The following COG3 variants were observed in gnomAD, a reference collection of about 807,000 sequenced individuals.
COG3 encodes the protein conserved oligomeric Golgi complex subunit 3.
A neutral mutation model predicts 114.1 loss-of-function variants in COG3; 32 were observed. The ratio of observed to expected loss-of-function variants is 0.28; its 90% CI spans 0.21 to 0.38. COG3 has a LOEUF of 0.38. COG3 is among the 10% of genes least tolerant of loss of function. The pLI is 1.00. For missense variants in COG3, 813 were observed against 973.2 expected (o/e 0.84, Z 2.19); for synonymous variants, 352 against 365.7 (o/e 0.96, Z 0.43).
At chr13:45,494,869 T>TG (rs1409815434) in intron 12 of COG3, among the ~76,000 whole-genome samples, 1 of 148,398 alleles carries the variant, frequency 6.7e-6, no homozygotes. Context: ...CTTTTCTTTT[T>TG]TTTTTTTTTG....
In COG3 at chr13:45,530,724, AAGG is replaced by A. The variant is rs751146037; in HGVS notation, c.2403_2405del (p.Glu803del). The A allele has an allele frequency of 3.0e-5, 48 of 1,613,220 alleles. No homozygotes were observed. Among genetic ancestry groups the A allele is most frequent in the Non-Finnish European group, 4.0e-5 (47 of 1,179,338 alleles). On this transcript the variant is annotated inframe_deletion, in exon 22 of 23. Transcript: ENST00000349995. ...CTTCCAGAAGTTCCACGCTCTGTTA[AAGG>A]AAGAGTTCAGCCCTGAAGACATCCA...
chr13:45,532,826 G>T (rs1458931050), intron 22 of COG3, among the ~76,000 whole-genome samples: 1 of 151,926 alleles, frequency 6.6e-6, no homozygotes, highest in Non-Finnish European at 1.5e-5. Context: ...CAAAGTGCTG[G>T]GATTACAGGC....
At position 45,465,306 on chromosome 13, in the gene COG3, A is replaced by G. The variant is rs949137368; in HGVS notation, c.174+96A>G. The stretch of plus-strand genomic sequence containing the variant: ...CCGGCCTCACTAGCCTCTGCCCAGG[A>G]TATCTCTCCACTCCTCCCTGGCCAT... On this transcript the variant is annotated intron_variant, in intron 1 of 22. Coordinates refer to ENST00000349995, the MANE Select transcript of COG3 (RefSeq NM_031431.4). 8.7e-5 allele frequency: 129 copies of G among 1,488,626 alleles called. No individual in the cohort carries two copies. In the African/African-American group the frequency reaches 1.7e-3, roughly 19 times the overall value. 92.2% of individuals were successfully genotyped at this position (1,488,626 alleles called of 1,614,324 possible).
chr13:45,512,054 T>C lies in COG3; in HGVS notation c.1809+200T>C, dbSNP rs533819025. 8.2e-6 allele frequency: 4 copies of C among 489,090 alleles called. No homozygotes were observed. In the Admixed American group the frequency reaches 1.4e-4, roughly 17 times the overall value. 30.3% of individuals were successfully genotyped at this position (489,090 alleles called of 1,614,324 possible). On this transcript the variant is annotated intron_variant, in intron 16 of 22. Transcript: ENST00000349995. ...TGTACTATATAAGAGAGTCCAACTT[T>C]GCTAAAGTACCAAAAGTGGTACTTA...
Position 45,530,741 on chromosome 13 carries a change from T to C in COG3, c.2418T>C (p.Pro806=). ...FHALLKEEFS[P]EDIQIIACPS... ...CTCTGTTAAAGGAAGAGTTCAGCCC[T>C]GAAGACATCCAGATCATTGCCTGTC... Residue 806 remains proline (P), a synonymous_variant, in exon 22 of 23, where the codon CCT becomes CCC. Coordinates refer to ENST00000349995, the MANE Select transcript of COG3 (RefSeq NM_031431.4). 6.2e-7 allele frequency: 1 copy of C among 1,613,450 alleles called. No individual in the cohort carries two copies. Among genetic ancestry groups the C allele is most frequent in the Non-Finnish European group, 8.5e-7 (1 of 1,179,376 alleles).
intron 8 of COG3, among the ~76,000 whole-genome samples, chr13:45,490,570 G>A (rs1238354156): frequency 6.6e-6 from 1 of 151,930 alleles, no homozygotes; most frequent in Non-Finnish European, 1.5e-5. Flanking sequence ...CAGGTACTAT[G>A]CTAAGGCCTT....
Position 45,480,199 on chromosome 13 carries a change from A to G in COG3, c.458A>G (p.Gln153Arg), listed in dbSNP as rs773500342. 5 of 1,613,690 alleles carry G rather than the reference A, an allele frequency of 3.1e-6. No individual in the cohort carries two copies. Among genetic ancestry groups the G allele is most frequent in the Non-Finnish European group, 3.4e-6 (4 of 1,179,596 alleles). ...AILNDVNSAL[Q>R]HLESLQKQYL... The stretch of plus-strand genomic sequence containing the variant: ...TTGAATGATGTAAACAGTGCTCTTC[A>G]GCATCTGGAGTCTTTGCAGAAACAG... Residue 153 changes from glutamine (Q) to arginine (R), a missense_variant, in exon 4 of 23, where the codon CAG becomes CGG. Gln to Arg is a conservative substitution (Grantham distance 43, BLOSUM62 1). Coordinates refer to ENST00000349995, the MANE Select transcript of COG3 (RefSeq NM_031431.4).
At chr13:45,508,068 TAAAAAAA>T (rs10571583) in intron 14 of COG3, among the ~76,000 whole-genome samples, 14 of 32,268 alleles carry the variant, frequency 4.3e-4, no homozygotes, top group African/African-American at 1.7e-3. Context: ...AGGTCCAACC[TAAAAAAA>T]AAAAAAAAAA....
At chr13:45,471,217 A>G (rs1397907006) in intron 1 of COG3, among the ~76,000 whole-genome samples, 1 of 151,586 alleles carries the variant, frequency 6.6e-6, no homozygotes, top group Non-Finnish European at 1.5e-5. Flanking sequence ...TAGCTTGGGT[A>G]ACATAGTGAG....
In COG3 at chr13:45,518,960, G is replaced by C; in HGVS notation, c.2020G>C (p.Gly674Arg). 2 of 1,613,944 alleles carry C rather than the reference G, an allele frequency of 1.2e-6. No homozygotes were observed. Among genetic ancestry groups the C allele is most frequent in the Non-Finnish European group, 1.7e-6 (2 of 1,179,948 alleles). The change falls in exon 19 of 23, where the codon GGT becomes CGT. Residue 674 changes from glycine (G) to arginine (R), a missense_variant and splice_region_variant. By Grantham distance (125) the Gly-to-Arg change is moderately radical. Around this residue, in one of 2 missense-constraint regions of COG3, gnomAD observed 389 missense variants for 542.6 expected, o/e 0.72. Transcript: ENST00000349995. Reference protein sequence around the residue: ...NNALIEFLLEGTPEIREHYLD... With the variant: ...NNALIEFLLERTPEIREHYLD... The stretch of plus-strand genomic sequence containing the variant: ...AGGAAATTGTTATCTTCTTTTTAAG[G>C]GTACTCCTGAGATAAGAGAACATTA...
At chr13:45,468,645 G>T (rs1319288537) in intron 1 of COG3, among the ~76,000 whole-genome samples, 3 of 152,194 alleles carry the variant, frequency 2.0e-5, no homozygotes, top group Non-Finnish European at 4.4e-5. Flanking sequence ...TATGTTACTT[G>T]TTATTTCAGG....
intron 1 of COG3, 107 bp downstream of exon 1, chr13:45,465,317 C>A: frequency 6.9e-7 from 1 of 1,452,280 alleles, no homozygotes; most frequent in South Asian, 1.4e-5. Context: ...TATCTCTCCA[C>A]TCCTCCCTGG....
intron 19 of COG3, among the ~76,000 whole-genome samples, chr13:45,520,112 A>G (rs1871959441): frequency 6.6e-6 from 1 of 152,048 alleles, no homozygotes; most frequent in Admixed American, 6.6e-5. Context: ...ACATAGTGAG[A>G]CCTAGTCGCT....
intron 20 of COG3, among the ~76,000 whole-genome samples, chr13:45,526,347 A>C (rs1389629579): frequency 6.6e-6 from 1 of 151,998 alleles, no homozygotes; most frequent in East Asian, 1.9e-4. Context: ...CGACCTCCCA[A>C]AATGCTGGGA....
In COG3 at chr13:45,480,030, C is replaced by T. The variant is rs1247610845; in HGVS notation, c.384-95C>T. The stretch of plus-strand genomic sequence containing the variant: ...CATAGGCAGTTTTCCTCCTGAAATT[C>T]GAACATTTTGGGAAAAATGAGCCTT... On this transcript the variant is annotated intron_variant, in intron 3 of 22. Coordinates refer to ENST00000349995, the MANE Select transcript of COG3 (RefSeq NM_031431.4). The T allele has an allele frequency of 3.6e-5, 39 of 1,090,816 alleles. No homozygotes were observed. The South Asian group carries it at 5.0e-4, about 14-fold the overall frequency. The allele number at this position is 1,090,816 out of a possible 1,614,324, so 67.6% of individuals were successfully genotyped here.
At chr13:45,497,172 C>T (rs1462691307) in intron 13 of COG3, among the ~76,000 whole-genome samples, 5 of 152,078 alleles carry the variant, frequency 3.3e-5, no homozygotes, top group East Asian at 1.9e-4. Context: ...CCCTGGAGGC[C>T]GTCTCCTCAA....
rs761045385 is a variant in COG3 at position 45,480,203 on chromosome 13, T to A, written c.462T>A (p.His154Gln). 5 of 1,613,710 alleles carry A rather than the reference T, an allele frequency of 3.1e-6. No individual in the cohort carries two copies. The highest frequency in any genetic ancestry group is 4.2e-6 in the Non-Finnish European group (5 of 1,179,632). ...ATGATGTAAACAGTGCTCTTCAGCA[T>A]CTGGAGTCTTTGCAGAAACAGTATC... ...ILNDVNSALQHLESLQKQYLF... is the reference protein window; with the variant it reads ...ILNDVNSALQQLESLQKQYLF... Residue 154 changes from histidine (H) to glutamine (Q), a missense_variant, in exon 4 of 23, where the codon CAT becomes CAA. By Grantham distance (24) the His-to-Gln change is conservative. This residue lies in a region of COG3 where 424 missense variants were observed against 430.6 expected (regional missense o/e 0.98). Coordinates refer to ENST00000349995, the MANE Select transcript of COG3 (RefSeq NM_031431.4).
intron 19 of COG3, among the ~76,000 whole-genome samples, chr13:45,520,757 C>T (rs930544162): frequency 5.3e-5 from 8 of 152,006 alleles, no homozygotes; most frequent in East Asian, 3.9e-4. Flanking sequence ...AATGCTTTCT[C>T]CTAGGTTTTG....
In COG3 at chr13:45,535,754, A is replaced by T; in HGVS notation, c.*1023A>T. On this transcript the variant is annotated 3_prime_UTR_variant, in exon 23 of 23. Coordinates refer to ENST00000349995, the MANE Select transcript of COG3 (RefSeq NM_031431.4). Reference sequence around the variant, plus strand: ...CCTAAGGATGACAAACACTATCCACATCTGAAAACTACCACACCATATCAG... The same window carrying T: ...CCTAAGGATGACAAACACTATCCACTTCTGAAAACTACCACACCATATCAG... The T allele has an allele frequency of 5.1e-6, 5 of 987,484 alleles. No homozygotes were observed. The highest frequency in any genetic ancestry group is 6.0e-6 in the Non-Finnish European group (5 of 830,102). 61.2% of individuals were successfully genotyped at this position (987,484 alleles called of 1,614,324 possible).
Sources: gnomAD v4.1 joint callset for allele counts (sites outside exome capture counted in the v4.1 genomes callset) on GRCh38, gnomAD v4.1.1 for gene constraint, gnomAD v4.1.1 regional missense constraint, MANE v1.5 for transcripts, NCBI Gene and HGNC (gene_info 2026-07-23, HGNC 2026-07-21) for gene names.